The following FANCL variants were observed in gnomAD, a reference collection of about 807,000 sequenced individuals.
FANCL encodes the protein E3 ubiquitin-protein ligase FANCL.
Under a neutral mutation model 59.4 loss-of-function variants are expected in FANCL, and 69 were observed. That is an observed-to-expected ratio of 1.16 (90% CI 0.96 to 1.42). FANCL has a LOEUF of 1.42. Among genes scored for constraint, FANCL ranks in the 40% most tolerant of loss-of-function variants. The pLI is 0.00. For synonymous variants in FANCL, 180 were observed against 147.1 expected, an observed-to-expected ratio of 1.22 and a Z score of -1.62; for missense variants, 519 against 447.2, an observed-to-expected ratio of 1.16 and a Z score of -1.45.
intron 11 of FANCL, among the ~76,000 whole-genome samples, chr2:58,162,335 T>G (rs370702600): frequency 7.2e-5 from 11 of 151,920 alleles, no homozygotes; most frequent in East Asian, 5.8e-4. Context: ...ATAAACAGAC[T>G]ATGTAGAAAA....
Position 58,160,148 on chromosome 2 carries a change from C to T in FANCL, c.1052G>A (p.Ser351Asn), listed in dbSNP as rs145260146. ...ACATTCACCAAATATGATGTTAAAA[C>T]TCTGTCTACTAGTTAGTAGTCCTCT... The part of the protein sequence containing the change: ...WLRGLLTSRQ[S>N]FNIIFGECPY... Residue 351 changes from serine (S) to asparagine (N), a missense_variant, in exon 13 of 14, where the codon AGT becomes AAT. Physicochemically the swap from Ser to Asn is conservative, Grantham distance 46 (BLOSUM62 1). Transcript: ENST00000233741. The T allele has an allele frequency of 7.4e-5, 120 of 1,612,736 alleles. No individual in the cohort carries two copies. Among genetic ancestry groups the T allele is most frequent in the Non-Finnish European group, 9.5e-5 (112 of 1,179,116 alleles).
At position 58,222,027 on chromosome 2, in the gene FANCL, T is replaced by C; in HGVS notation, c.289A>G (p.Asn97Asp). The C allele has an allele frequency of 6.2e-7, 1 of 1,613,120 alleles. No homozygotes were observed. The highest frequency in any genetic ancestry group is 8.5e-7 in the Non-Finnish European group (1 of 1,179,242). The stretch of plus-strand genomic sequence containing the variant: ...GGTAGTGCATACAGCTCTTGTCTAT[T>C]CTTTAAGGCAACTTCCTGTTTAAAA... ...LKMLLEVALKNRQELYALPPP... is the reference protein window; with the variant it reads ...LKMLLEVALKDRQELYALPPP... The change falls in exon 5 of 14, where the codon AAT becomes GAT. Residue 97 changes from asparagine (N) to aspartate (D), a missense_variant. Asn to Asp is a conservative substitution (Grantham distance 23). Transcript: ENST00000233741.
At chr2:58,238,452 G>C (rs1024452629) in intron 1 of FANCL, among the ~76,000 whole-genome samples, 1 of 152,162 alleles carries the variant, frequency 6.6e-6, no homozygotes, top group Non-Finnish European at 1.5e-5. Context: ...CCAACATAGA[G>C]AGCATCATTA....
chr2:58,232,238 CATCTTTAT>C, intron 1 of FANCL, 126 bp from the exon 2 acceptor site: 1 of 757,266 alleles, frequency 1.3e-6, no homozygotes, highest in Non-Finnish European at 2.3e-6. Context: ...ATTTTATCCA[CATCTTTAT>C]ACTTGTTAAA....
intron 4 of FANCL, among the ~76,000 whole-genome samples, chr2:58,226,366 C>A (rs958527800): frequency 6.6e-6 from 1 of 152,114 alleles, no homozygotes; most frequent in Non-Finnish European, 1.5e-5. Context: ...ATATCTGTAG[C>A]TATACACAAA....
chr2:58,226,748 T>C lies in FANCL; in HGVS notation c.253A>G (p.Met85Val), dbSNP rs1256020406. Residue 85 changes from methionine (M) to valine (V), a missense_variant, in exon 4 of 14, where the codon ATG (methionine) becomes GTG (valine). Coordinates refer to ENST00000233741, the MANE Select transcript of FANCL (RefSeq NM_018062.4). The stretch of plus-strand genomic sequence containing the variant: ...CTTACCAAAAGCATCTTCAACTCCA[T>C]CATAAAGCTCATTAGATCAGGAGAG... ...QHSPDLMSFM[M>V]ELKMLLEVAL... 1 of 1,613,116 alleles carries C rather than the reference T, an allele frequency of 6.2e-7. No individual in the cohort carries two copies. The highest frequency in any genetic ancestry group is 8.5e-7 in the Non-Finnish European group (1 of 1,179,476).
At chr2:58,159,917 G>T in intron 13 of FANCL, 117 bp from the exon 14 acceptor site, 1 of 1,539,770 alleles carries the variant, frequency 6.5e-7, no homozygotes, top group Non-Finnish European at 8.7e-7. Flanking sequence ...AAACACTTCT[G>T]AAGTTTCAGA....
At chr2:58,217,641 A>T (rs1213058107) in intron 5 of FANCL, among the ~76,000 whole-genome samples, 1 of 152,040 alleles carries the variant, frequency 6.6e-6, no homozygotes, top group African/African-American at 2.4e-5. Context: ...AACAAGGAAG[A>T]TATAGCAATT....
At chr2:58,225,922 G>C (rs1344951908) in intron 4 of FANCL, among the ~76,000 whole-genome samples, 4 of 151,886 alleles carry the variant, frequency 2.6e-5, no homozygotes, top group Non-Finnish European at 5.9e-5. Context: ...TATAATGTGA[G>C]GACCTTGTTT....
intron 2 of FANCL, among the ~76,000 whole-genome samples, chr2:58,230,575 A>T (rs1693486969): frequency 6.6e-6 from 1 of 152,146 alleles, no homozygotes; most frequent in Admixed American, 6.5e-5. Context: ...TAACTCTTCT[A>T]AGGAATTACT....
At chr2:58,166,742 A>C (rs1356098604) in intron 7 of FANCL, among the ~76,000 whole-genome samples, 1 of 152,258 alleles carries the variant, frequency 6.6e-6, no homozygotes, top group Admixed American at 6.5e-5. Context: ...ATAATTTAAG[A>C]ATATGATACA....
intron 7 of FANCL, among the ~76,000 whole-genome samples, chr2:58,176,246 C>A (rs1687286549): frequency 6.6e-6 from 1 of 152,150 alleles, no homozygotes; most frequent in South Asian, 2.1e-4. Flanking sequence ...ATCAAGCTAC[C>A]AGTGACTTTC....
chr2:58,194,902 C>T (rs2105072030), intron 7 of FANCL, among the ~76,000 whole-genome samples: 1 of 148,360 alleles, frequency 6.7e-6, no homozygotes, highest in Non-Finnish European at 1.5e-5. Context: ...ATATGGATGC[C>T]ACAAAGCCAT....
chr2:58,240,151 T>C (rs1446627091), intron 1 of FANCL, among the ~76,000 whole-genome samples: 1 of 152,140 alleles, frequency 6.6e-6, no homozygotes, highest in Non-Finnish European at 1.5e-5. Flanking sequence ...TTTTCAACTT[T>C]TCTAAATGTT....
rs745879256 is a variant in FANCL at position 58,163,447 on chromosome 2, A to G, written c.762T>C (p.Leu254=). 1.2e-6 allele frequency: 2 copies of G among 1,609,454 alleles called. No individual in the cohort carries two copies. The highest frequency in any genetic ancestry group is 2.2e-5 in the South Asian group (2 of 90,934). ...HPTMLPECFF[L]GADHVVKPLG... ...CAGATGTCATACCATGGTCAGCTCC[A>G]AGAAAGAAGCACTCAGGAAGCATAG... Residue 254 remains leucine, a synonymous_variant, in exon 9 of 14, where the codon CTT becomes CTC. Transcript: ENST00000233741.
intron 6 of FANCL, among the ~76,000 whole-genome samples, 197 bp downstream of exon 6, chr2:58,203,933 C>G (rs946458317): frequency 2.0e-5 from 3 of 151,966 alleles, no homozygotes; most frequent in Non-Finnish European, 4.4e-5. Context: ...CAAATTTGGA[C>G]TAAAATATGA....
At chr2:58,230,324 G>A (rs1313304849) in intron 2 of FANCL, among the ~76,000 whole-genome samples, 1 of 151,206 alleles carries the variant, frequency 6.6e-6, no homozygotes, top group Non-Finnish European at 1.5e-5. Flanking sequence ...TTATTTTTTA[G>A]AGACAGGATC....
intron 7 of FANCL, among the ~76,000 whole-genome samples, chr2:58,191,914 T>C (rs1688959710): frequency 6.6e-6 from 1 of 151,928 alleles, no homozygotes; most frequent in African/African-American, 2.4e-5. Context: ...GACACAGATA[T>C]TCTTTCTCTC....
At chr2:58,166,017 C>T in intron 7 of FANCL, 143 bp from the exon 8 acceptor site, 1 of 740,512 alleles carries the variant, frequency 1.4e-6, no homozygotes, top group Non-Finnish European at 2.3e-6. Flanking sequence ...GTAGTCGACT[C>T]TCCCTGCTTC....
Sources: allele counts gnomAD v4.1 joint callset (sites outside exome capture counted in the v4.1 genomes callset), GRCh38; gene constraint gnomAD v4.1.1; transcripts MANE v1.5; gene names NCBI Gene and HGNC (gene_info 2026-07-23, HGNC 2026-07-21).